The following PCDHA7 variants were observed in gnomAD, a reference collection of about 807,000 sequenced individuals.
PCDHA7 encodes the protein protocadherin alpha 7.
A neutral mutation model predicts 57.2 loss-of-function variants in PCDHA7; 37 were observed. That is an observed-to-expected ratio of 0.65 (90% CI 0.50 to 0.85). PCDHA7 has a LOEUF of 0.85. Among genes scored for constraint, PCDHA7 ranks in the 40% least tolerant of loss-of-function variants. The pLI is 0.00. For missense variants in PCDHA7, 1,188 were observed against 1,241.8 expected, an observed-to-expected ratio of 0.96 and a Z score of 0.65; for synonymous variants, 553 against 558.8, an observed-to-expected ratio of 0.99 and a Z score of 0.15.
In PCDHA7 at chr5:140,876,910, T is replaced by C. The variant is rs184817309; in HGVS notation, c.2355+40172T>C. On this transcript the variant is annotated intron_variant, in intron 1 of 3. Transcript: ENST00000525929. ...CTGCCACATCTTCACGGTGTCGGCA[T>C]GGGACGCGGACGCGCAGAAGAACGC... 5 of 1,613,976 alleles carry C rather than the reference T, an allele frequency of 3.1e-6. No individual in the cohort carries two copies. In the African/African-American group the frequency reaches 4.0e-5, roughly 13 times the overall value.
Position 140,886,842 on chromosome 5 carries a change from A to AG in PCDHA7, c.2355+50104_2355+50105insG, listed in dbSNP as rs1190647876. ...ACTTCGTCTTGAAAAAAAAAAAAAA[A>AG]AAAAAGAAAGGTCTTCCCAACTCCT... is the stretch of plus-strand genomic sequence containing the variant. On this transcript the variant is annotated intron_variant, in intron 1 of 3. Coordinates refer to ENST00000525929, the MANE Select transcript of PCDHA7 (RefSeq NM_018910.3). 2.4e-3 allele frequency among the ~76,000 whole-genome samples: 362 copies of AG among 151,632 alleles called. 2 individuals are homozygous for AG. Among genetic ancestry groups the AG allele is most frequent in the Middle Eastern group, 0.014 (4 of 292 alleles).
rs2150499672 is a variant in PCDHA7 at position 140,850,819 on chromosome 5, G to A, written c.2355+14081G>A. 1.0e-5 allele frequency: 16 copies of A among 1,598,272 alleles called. No individual in the cohort carries two copies. In the African/African-American group the frequency reaches 1.7e-4, roughly 17 times the overall value. On this transcript the variant is annotated intron_variant, in intron 1 of 3. Transcript: ENST00000525929. ...ACCGACCTCATGGCCTTCAGCCCGGGCCTTTCTCCTTGTGCTGGATCTACA... is the reference window on the plus strand; with the variant it reads ...ACCGACCTCATGGCCTTCAGCCCGGACCTTTCTCCTTGTGCTGGATCTACA...
intron 1 of PCDHA7, chr5:140,858,360 G>T: frequency 6.3e-7 from 1 of 1,592,532 alleles, no homozygotes; most frequent in Non-Finnish European, 8.6e-7. Context: ...ATGGCCTTCA[G>T]CCCCAGCCTT....
rs2150411211 is a variant in PCDHA7, at chr5:140,848,488, T to C, written c.2355+11750T>C. The C allele has an allele frequency of 1.0e-5, 16 of 1,574,158 alleles. 1 individual carries two copies. The highest frequency in any genetic ancestry group is 3.4e-4 in the Middle Eastern group (2 of 5,918). On this transcript the variant is annotated intron_variant, in intron 1 of 3. Coordinates refer to ENST00000525929, the MANE Select transcript of PCDHA7 (RefSeq NM_018910.3). ...TTTCACTAATTAGAAGAAGACTGAG[T>C]ATTTGAAATGTTATACTCAAGTCGA... is the stretch of plus-strand genomic sequence containing the variant.
chr5:140,953,842 T>A (rs1369287853), intron 1 of PCDHA7, among the ~76,000 whole-genome samples: 2 of 152,214 alleles, frequency 1.3e-5, no homozygotes, highest in Non-Finnish European at 2.9e-5. Flanking sequence ...GTTACCCAGG[T>A]AAACATGTGC....
chr5:140,988,444 A>G (rs1554250146), intron 3 of PCDHA7, among the ~76,000 whole-genome samples: 1 of 152,112 alleles, frequency 6.6e-6, no homozygotes, highest in Non-Finnish European at 1.5e-5. Flanking sequence ...GATTGACCTG[A>G]AGGGAGGAAG....
chr5:140,875,657 G>A (rs1241102848), intron 1 of PCDHA7: 1 of 1,613,738 alleles, frequency 6.2e-7, no homozygotes, highest in South Asian at 1.1e-5. Context: ...CTGGTGCCGC[G>A]CCTGTTCCGG....
chr5:140,857,868 C>T (rs782242383), intron 1 of PCDHA7: 2 of 1,597,584 alleles, frequency 1.3e-6, no homozygotes, highest in South Asian at 1.1e-5. Flanking sequence ...GCGTGGCTGT[C>T]GTATGAATTG....
rs782766953 is a variant in PCDHA7 at position 140,875,544 on chromosome 5, G to C, written c.2355+38806G>C. On this transcript the variant is annotated intron_variant, in intron 1 of 3. Coordinates refer to ENST00000525929, the MANE Select transcript of PCDHA7 (RefSeq NM_018910.3). ...TCTCGCTTCTGCTCCTTGCAGCCTG[G>C]GAGGTGGGGAGCGGCCAGCTCCACT... 9.0e-5 allele frequency: 146 copies of C among 1,614,052 alleles called. No homozygotes were observed. The East Asian group carries it at 3.2e-3, about 36-fold the overall frequency.
Position 140,857,279 on chromosome 5 carries a change from G to T in PCDHA7, c.2355+20541G>T, listed in dbSNP as rs782434219. ...TTACTACTCATTGGTGCTGGACAGC[G>T]CTCTGGACCGCGAGAGGGTGTCGGC... On this transcript the variant is annotated intron_variant, in intron 1 of 3. Transcript: ENST00000525929. 22 of 1,598,726 alleles carry T rather than the reference G, an allele frequency of 1.4e-5. No homozygotes were observed. The East Asian group carries it at 4.7e-4, about 34-fold the overall frequency.
chr5:140,858,068 G>A (rs576753961), intron 1 of PCDHA7: 1 of 1,597,756 alleles, frequency 6.3e-7, no homozygotes, highest in African/African-American at 1.3e-5. Context: ...GGGCAGCCAG[G>A]CACCCAAGGC....
In PCDHA7 at chr5:140,871,159, G is replaced by T. The variant is rs781816033; in HGVS notation, c.2355+34421G>T. Reference sequence around the variant, plus strand: ...CTCTTCCCGGACTTTGGCGGGCGCCGCGAGCCCAGAGGCTGCGCTGGTGGA... The same window carrying T: ...CTCTTCCCGGACTTTGGCGGGCGCCTCGAGCCCAGAGGCTGCGCTGGTGGA... On this transcript the variant is annotated intron_variant, in intron 1 of 3. Coordinates refer to ENST00000525929, the MANE Select transcript of PCDHA7 (RefSeq NM_018910.3). The T allele has an allele frequency of 1.6e-5, 26 of 1,613,450 alleles. No individual in the cohort carries two copies. The South Asian group carries it at 2.9e-4, about 18-fold the overall frequency.
chr5:140,987,799 A>C (rs2097268880), intron 3 of PCDHA7, among the ~76,000 whole-genome samples: 2 of 152,140 alleles, frequency 1.3e-5, no homozygotes, highest in South Asian at 4.1e-4. Flanking sequence ...GATTTTTTTA[A>C]AGTGCCTGTC....
intron 3 of PCDHA7, among the ~76,000 whole-genome samples, chr5:140,993,460 T>TCA (rs1554253699): frequency 1.6e-3 from 169 of 104,560 alleles, no homozygotes; most frequent in African/African-American, 3.8e-3. Flanking sequence ...CTTCTTTCTT[T>TCA]CTCACACACA....
At chr5:140,856,839 AC>A (rs1220009978) in intron 1 of PCDHA7, 1 of 1,592,554 alleles carries the variant, frequency 6.3e-7, no homozygotes, top group East Asian at 2.2e-5. Context: ...ATACGGCTCA[AC>A]GCTTCTGATT....
chr5:140,952,371 C>T (rs186648472), intron 1 of PCDHA7, among the ~76,000 whole-genome samples: 1 of 151,860 alleles, frequency 6.6e-6, no homozygotes, highest in African/African-American at 2.4e-5. Flanking sequence ...AAGAAATTTC[C>T]TCTGCCAGGT....
intron 3 of PCDHA7, among the ~76,000 whole-genome samples, chr5:141,002,939 A>G (rs2098103546): frequency 6.6e-6 from 1 of 152,238 alleles, no homozygotes; most frequent in Admixed American, 6.5e-5. Context: ...AACACCCTCC[A>G]GCACATGCCC....
chr5:140,868,942 C>G (rs1238492263), intron 1 of PCDHA7: 1 of 1,256,058 alleles, frequency 8.0e-7, no homozygotes, highest in Admixed American at 2.8e-5. Context: ...TTGGTCTGAA[C>G]AGTGAGGCAC....
chr5:140,884,792 G>A, intron 1 of PCDHA7: 1 of 1,312,776 alleles, frequency 7.6e-7, no homozygotes. Flanking sequence ...AGTTGTTATC[G>A]AATTTAACAA....
Sources: gnomAD v4.1 joint callset for allele counts (sites outside exome capture counted in the v4.1 genomes callset) on GRCh38, gnomAD v4.1.1 for gene constraint, MANE v1.5 for transcripts, NCBI Gene and HGNC (gene_info 2026-07-23, HGNC 2026-07-21) for gene names.